Variants in OVOL2 observed in about 807,000 individuals in gnomAD.
The protein encoded by OVOL2 is transcription factor Ovo-like 2.
OVOL2 carries 13 observed loss-of-function variants against 18.1 expected under a neutral mutation model. The ratio of observed to expected loss-of-function variants is 0.72; its 90% CI spans 0.47 to 1.14. OVOL2 has a LOEUF of 1.14. OVOL2 is among the 50% of genes most tolerant of loss of function. The pLI is 0.00. For synonymous variants in OVOL2, 166 were observed against 162.7 expected (o/e 1.02, Z -0.16); for missense variants, 335 against 383.0 (o/e 0.87, Z 1.05).
Position 18,055,092 on chromosome 20 carries a change from C to T in OVOL2, c.321+1565G>A, listed in dbSNP as rs190595725. On this transcript the variant is annotated intron_variant, in intron 2 of 3. Transcript: ENST00000278780. The stretch of plus-strand genomic sequence containing the variant: ...AGGAGTGAACTGTGCCTCCCGCCCC[C>T]CTTCCCCCAGCACACAGGCAACTAA... Among the ~76,000 whole-genome samples the T allele has an allele frequency of 1.1e-4, 17 of 152,258 alleles. No individual in the cohort carries two copies. In the East Asian group the frequency reaches 3.1e-3, roughly 28 times the overall value.
intron 3 of OVOL2, among the ~76,000 whole-genome samples, chr20:18,037,458 T>C (rs1421130969): frequency 6.6e-6 from 1 of 152,260 alleles, no homozygotes; most frequent in Non-Finnish European, 1.5e-5. Flanking sequence ...GGCTTGCTTC[T>C]GCCTGCAGGG....
At chr20:18,030,916 G>A (rs1196750985) in intron 3 of OVOL2, among the ~76,000 whole-genome samples, 1 of 152,164 alleles carries the variant, frequency 6.6e-6, no homozygotes, top group African/African-American at 2.4e-5. Context: ...TCTAGGCTTG[G>A]GAACAAGCAC....
chr20:18,049,558 C>CCG (rs1327082525), intron 2 of OVOL2, among the ~76,000 whole-genome samples: 3 of 148,532 alleles, frequency 2.0e-5, no homozygotes, highest in Admixed American at 1.3e-4. Context: ...GATTCCCCCC[C>CCG]CGATCCTATG....
chr20:18,047,442 G>A (rs1201287063), intron 2 of OVOL2, among the ~76,000 whole-genome samples: 5 of 149,544 alleles, frequency 3.3e-5, no homozygotes, highest in Non-Finnish European at 5.9e-5. Context: ...CCCGGGAGGC[G>A]GAGGTTGCAG....
chr20:18,043,696 C>T (rs889403150), intron 2 of OVOL2, among the ~76,000 whole-genome samples: 10 of 152,198 alleles, frequency 6.6e-5, no homozygotes, highest in African/African-American at 2.4e-4. Context: ...TCAGTACCCA[C>T]AGCTTTGTTA....
chr20:18,052,233 T>G (rs898210605), intron 2 of OVOL2, among the ~76,000 whole-genome samples: 1 of 152,100 alleles, frequency 6.6e-6, no homozygotes, highest in African/African-American at 2.4e-5. Flanking sequence ...AACAATTAAC[T>G]TGATGGAGGG....
intron 3 of OVOL2, among the ~76,000 whole-genome samples, chr20:18,025,870 C>G (rs1268252971): frequency 6.6e-6 from 1 of 152,228 alleles, no homozygotes; most frequent in Admixed American, 6.5e-5. Context: ...ATTCTCCATC[C>G]CCAGCACTTC....
At chr20:18,036,223 G>A (rs184865538) in intron 3 of OVOL2, among the ~76,000 whole-genome samples, 11 of 152,242 alleles carry the variant, frequency 7.2e-5, no homozygotes, top group African/African-American at 2.6e-4. Flanking sequence ...AACCCGGGAG[G>A]CAGAGGTTGC....
intron 3 of OVOL2, among the ~76,000 whole-genome samples, chr20:18,031,028 A>G (rs2036564809): frequency 6.6e-6 from 1 of 152,132 alleles, no homozygotes; most frequent in Admixed American, 6.5e-5. Context: ...CCCTCCCACC[A>G]CTGAGGCTCA....
chr20:18,036,807 T>G (rs908108945), intron 3 of OVOL2, among the ~76,000 whole-genome samples: 6 of 152,048 alleles, frequency 3.9e-5, no homozygotes, highest in African/African-American at 1.2e-4. Context: ...GAGTTTCCCT[T>G]TATCTCACCT....
intron 3 of OVOL2, among the ~76,000 whole-genome samples, chr20:18,035,872 A>G (rs1012486841): frequency 1.3e-5 from 2 of 152,264 alleles, no homozygotes; most frequent in African/African-American, 4.8e-5. Flanking sequence ...AAGCTGCTTT[A>G]TAAGTTAACG....
chr20:18,035,186 C>G (rs948349912), intron 3 of OVOL2, among the ~76,000 whole-genome samples: 9 of 152,360 alleles, frequency 5.9e-5, no homozygotes, highest in African/African-American at 1.7e-4. Context: ...TGCAGTGGCT[C>G]ACGCCTGTAA....
At chr20:18,043,489 G>C (rs2036694973) in intron 2 of OVOL2, among the ~76,000 whole-genome samples, 1 of 152,118 alleles carries the variant, frequency 6.6e-6, no homozygotes, top group Non-Finnish European at 1.5e-5. Context: ...AGGCCACATG[G>C]GGGAGCACGG....
rs1438082432 is a variant in OVOL2, at chr20:18,054,192, A to G, written c.321+2465T>C. Among the ~76,000 whole-genome samples the G allele has an allele frequency of 3.3e-5, 5 of 152,226 alleles. No homozygotes were observed. The East Asian group carries it at 9.6e-4, about 29-fold the overall frequency. ...ATGCTATCAAGTAGGTATCATTATC[A>G]TCTTACAGATAAGGAAACCGAGGCT... On this transcript the variant is annotated intron_variant, in intron 2 of 3. Coordinates refer to ENST00000278780, the MANE Select transcript of OVOL2 (RefSeq NM_021220.4).
Position 18,057,474 on chromosome 20 carries a change from C to A in OVOL2, c.100+61G>T. On this transcript the variant is annotated intron_variant, in intron 1 of 3. Coordinates refer to ENST00000278780, the MANE Select transcript of OVOL2 (RefSeq NM_021220.4). This position sits in a 1 kb window ranked among gnomAD's most constrained non-coding sequence, Gnocchi z 6.3. Reference sequence around the variant, plus strand: ...CCCCTGCCGATGAGCAGAGAAGACCCGCCACCCCTTCCCCCACCCCGGGAG... The same window carrying A: ...CCCCTGCCGATGAGCAGAGAAGACCAGCCACCCCTTCCCCCACCCCGGGAG... 1.3e-6 allele frequency: 2 copies of A among 1,524,092 alleles called. No individual in the cohort carries two copies. The highest frequency in any genetic ancestry group is 1.8e-6 in the Non-Finnish European group (2 of 1,129,750). 94.4% of individuals were successfully genotyped at this position (1,524,092 alleles called of 1,614,324 possible). A position where few individuals can be genotyped will look rare whatever the true frequency, so the allele number is the denominator to read the frequency against.
intron 2 of OVOL2, among the ~76,000 whole-genome samples, chr20:18,054,227 G>C (rs777121805): frequency 2.0e-5 from 3 of 152,172 alleles, no homozygotes; most frequent in Non-Finnish European, 4.4e-5. Context: ...TCAGAGGGGT[G>C]AGCCACTTGC....
intron 3 of OVOL2, among the ~76,000 whole-genome samples, chr20:18,029,769 GGAGTTC>G (rs924823592): frequency 1.3e-5 from 2 of 152,124 alleles, no homozygotes; most frequent in African/African-American, 4.8e-5. Context: ...CTTGAGTCCA[GGAGTTC>G]GAGACTAGCC....
intron 3 of OVOL2, among the ~76,000 whole-genome samples, chr20:18,034,073 T>C (rs1236980112): frequency 3.9e-5 from 6 of 152,168 alleles, no homozygotes; most frequent in Admixed American, 3.9e-4. Flanking sequence ...TCCTGTCAAC[T>C]TCACTGAAGT....
intron 3 of OVOL2, among the ~76,000 whole-genome samples, chr20:18,026,381 C>CT (rs2036515467): frequency 1.8e-5 from 2 of 109,562 alleles, no homozygotes; most frequent in African/African-American, 3.3e-5. Flanking sequence ...ATCAGGAATC[C>CT]ATTTTTTTTT....
Sources: allele counts gnomAD v4.1 joint callset (sites outside exome capture counted in the v4.1 genomes callset), GRCh38; gene constraint gnomAD v4.1.1; non-coding constraint Gnocchi (gnomAD v3.1); transcripts MANE v1.5; gene names NCBI Gene and HGNC (gene_info 2026-07-23, HGNC 2026-07-21).